PSMG2: variants seen among roughly 807,000 people sequenced by gnomAD.
PSMG2 encodes proteasome assembly chaperone 2.
Under a neutral mutation model 31.5 loss-of-function variants are expected in PSMG2, and 21 were observed. That is an observed-to-expected ratio of 0.67 (90% CI 0.47 to 0.96). The LOEUF (loss-of-function observed/expected upper bound fraction) is 0.96. Among genes scored for constraint, PSMG2 ranks in the 40% least tolerant of loss-of-function variants. The probability of loss-of-function intolerance (pLI) is 0.00; values close to 1 mark genes in which losing one functional copy is unlikely to be tolerated. For synonymous variants in PSMG2, 120 were observed against 110.4 expected (o/e 1.09, Z -0.54); for missense variants, 318 against 321.2 (o/e 0.99, Z 0.08).
At position 12,708,466 on chromosome 18, in the gene PSMG2, G is replaced by A. The variant is rs112992682; in HGVS notation, c.229+1745G>A. Among the ~76,000 whole-genome samples the A allele has an allele frequency of 2.5e-3, 382 of 152,032 alleles. 1 individual carries two copies. The highest frequency in any genetic ancestry group is 8.9e-3 in the African/African-American group (369 of 41,490). ...CGCAGCCTCCGCCTTCCAGTTTCAGGCAGTTCTCCTGCCTCAGCCTCCCGA... is the reference window on the plus strand; with the variant it reads ...CGCAGCCTCCGCCTTCCAGTTTCAGACAGTTCTCCTGCCTCAGCCTCCCGA... On this transcript the variant is annotated intron_variant, in intron 2 of 6. Coordinates refer to ENST00000317615, the MANE Select transcript of PSMG2 (RefSeq NM_020232.5).
chr18:12,680,244 A>ATCAACACG (rs1359021491), intron 1 of PSMG2, among the ~76,000 whole-genome samples: 2 of 152,144 alleles, frequency 1.3e-5, no homozygotes, highest in Non-Finnish European at 2.9e-5. Flanking sequence ...AACTAAAATC[A>ATCAACACG]TCAACACGTA....
intron 3 of PSMG2, 72 bp from the exon 4 acceptor site, chr18:12,718,445 G>A (rs902887091): frequency 1.3e-6 from 1 of 752,344 alleles, no homozygotes; most frequent in Non-Finnish European, 2.1e-6. Context: ...TGATGAAATA[G>A]TATATAGAAT....
chr18:12,682,892 G>A (rs1163598329), intron 1 of PSMG2, among the ~76,000 whole-genome samples: 3 of 151,970 alleles, frequency 2.0e-5, no homozygotes, highest in Admixed American at 1.3e-4. Flanking sequence ...AAAGTGCTGC[G>A]ATTACAGGCA....
chr18:12,667,848 CTTTTTTTT>C (rs36019439), intron 1 of PSMG2, among the ~76,000 whole-genome samples: 1 of 116,738 alleles, frequency 8.6e-6, no homozygotes, highest in African/African-American at 3.3e-5. Flanking sequence ...CTTTCTGATC[CTTTTTTTT>C]TTTTTTTTTT....
intron 4 of PSMG2, among the ~76,000 whole-genome samples, chr18:12,719,297 AG>A (rs1251341253): frequency 1.3e-5 from 2 of 152,246 alleles, no homozygotes; most frequent in African/African-American, 4.8e-5. Context: ...AATGTAAGAC[AG>A]AGTATCCCAG....
At chr18:12,709,017 C>T (rs556384080) in intron 2 of PSMG2, among the ~76,000 whole-genome samples, 9 of 150,922 alleles carry the variant, frequency 6.0e-5, no homozygotes, top group Middle Eastern at 3.5e-3. Context: ...GCCCGGCCCC[C>T]GTAAACTTTA....
At chr18:12,662,506 G>A (rs1449154777) in intron 1 of PSMG2, among the ~76,000 whole-genome samples, 3 of 152,098 alleles carry the variant, frequency 2.0e-5, no homozygotes, top group Admixed American at 6.6e-5. Flanking sequence ...CCGGCCATGG[G>A]GGCTCACACC....
At chr18:12,709,202 C>T (rs1328322152) in intron 2 of PSMG2, among the ~76,000 whole-genome samples, 2 of 149,828 alleles carry the variant, frequency 1.3e-5, no homozygotes, top group African/African-American at 4.9e-5. Flanking sequence ...CATGCCACCA[C>T]GCCCGGCTGA....
At chr18:12,673,202 C>T (rs913006600) in intron 1 of PSMG2, 2 of 1,322,472 alleles carry the variant, frequency 1.5e-6, no homozygotes, top group Non-Finnish European at 1.9e-6. Flanking sequence ...TAAAGGAATG[C>T]ATGATTTTTT....
intron 1 of PSMG2, among the ~76,000 whole-genome samples, chr18:12,692,496 G>A (rs1339087057): frequency 6.6e-6 from 1 of 151,994 alleles, no homozygotes; most frequent in African/African-American, 2.4e-5. Flanking sequence ...TTTGTTCTAG[G>A]CTGTTCCCAG....
chr18:12,719,810 G>C (rs1192570134), intron 4 of PSMG2, among the ~76,000 whole-genome samples: 1 of 139,360 alleles, frequency 7.2e-6, no homozygotes, highest in East Asian at 2.2e-4. Context: ...TGCAACCTCT[G>C]CCTCCTGGGT....
upstream of PSMG2, chr18:12,701,224 T>C: frequency 2.7e-6 from 2 of 733,790 alleles, no homozygotes; most frequent in South Asian, 3.6e-5. Flanking sequence ...TTACCACAAT[T>C]GAATGGGAAC....
At chr18:12,698,369 ATGTTG>A (rs2040035584), upstream of PSMG2, among the ~76,000 whole-genome samples, 2 of 152,066 alleles carry the variant, frequency 1.3e-5, no homozygotes, top group African/African-American at 2.4e-5. Context: ...GGGTTTCGAC[ATGTTG>A]GCTAGGCTGG....
At chr18:12,701,560 T>A (rs190725033), upstream of PSMG2, among the ~76,000 whole-genome samples, 1 of 152,126 alleles carries the variant, frequency 6.6e-6, no homozygotes, top group Non-Finnish European at 1.5e-5. Flanking sequence ...CCTAGTGTAG[T>A]GCCCTCTCAC....
chr18:12,692,338 C>T (rs2039798455), intron 1 of PSMG2: 1 of 151,718 alleles, frequency 6.6e-6, no homozygotes, highest in Admixed American at 6.6e-5. Context: ...AACATACTGT[C>T]ATTCTCTTGT....
At chr18:12,683,978 AAAATCTAAAT>A (rs1287298639) in intron 1 of PSMG2, among the ~76,000 whole-genome samples, 2 of 150,618 alleles carry the variant, frequency 1.3e-5, no homozygotes, top group Non-Finnish European at 3.0e-5. Flanking sequence ...TGTACAGTAA[AAAATCTAAAT>A]ATATATATGA....
chr18:12,696,831 G>C (rs1598660931), intron 1 of PSMG2, among the ~76,000 whole-genome samples: 1 of 152,116 alleles, frequency 6.6e-6, no homozygotes, highest in African/African-American at 2.4e-5. Context: ...TCTGTATTTT[G>C]CAAGAATCAC....
At chr18:12,717,604 C>G (rs921828093) in intron 3 of PSMG2, among the ~76,000 whole-genome samples, 1 of 152,260 alleles carries the variant, frequency 6.6e-6, no homozygotes, top group Non-Finnish European at 1.5e-5. Context: ...TGAATTTATT[C>G]AGGAGTATCA....
intron 1 of PSMG2, among the ~76,000 whole-genome samples, chr18:12,695,592 G>A (rs1192409785): frequency 6.6e-6 from 1 of 151,872 alleles, no homozygotes; most frequent in African/African-American, 2.4e-5. Context: ...TCTTCTTTAA[G>A]TAGAGATGGG....
Sources: allele counts gnomAD v4.1 joint callset (sites outside exome capture counted in the v4.1 genomes callset), GRCh38; gene constraint gnomAD v4.1.1; transcripts MANE v1.5; gene names NCBI Gene and HGNC (gene_info 2026-07-23, HGNC 2026-07-21).